The following MAGI1 variants were observed in gnomAD, a reference collection of about 807,000 sequenced individuals.
MAGI1 encodes the protein membrane associated guanylate kinase, WW and PDZ domain containing 1.
Under a neutral mutation model 139.9 loss-of-function variants are expected in MAGI1, and 58 were observed. The observed-to-expected ratio is 0.41, with a 90% confidence interval of 0.34 to 0.52. The LOEUF (loss-of-function observed/expected upper bound fraction) is 0.52. MAGI1 is among the 20% of genes least tolerant of loss of function. The pLI is 0.12. For synonymous variants in MAGI1, 812 were observed against 737.9 expected, an observed-to-expected ratio of 1.10 and a Z score of -1.63; for missense variants, 1,874 against 1,901.6, an observed-to-expected ratio of 0.99 and a Z score of 0.27.
chr3:65,364,685 T>C lies in MAGI1; in HGVS notation c.3331A>G (p.Lys1111Glu). ...CTCACCTGTGTTGCTTGGGGTGCTT[T>C]GAACTCAAATTGAGATTCCTGCTTT... ...KPKQESQFEF[K>E]APQATQEQDF... Residue 1111 changes from lysine to glutamate, a missense_variant, in exon 20 of 23, where the codon AAA (lysine) becomes GAA (glutamate). Around this residue, in one of 5 missense-constraint regions of MAGI1, gnomAD observed 653 missense variants for 644.5 expected, o/e 1.01. Coordinates refer to ENST00000402939, the MANE Select transcript of MAGI1 (RefSeq NM_001033057.2). 6.2e-7 allele frequency: 1 copy of C among 1,614,124 alleles called. No individual in the cohort carries two copies.
At chr3:65,988,526 C>T (rs1480093748) in intron 1 of MAGI1, among the ~76,000 whole-genome samples, 1 of 152,090 alleles carries the variant, frequency 6.6e-6, no homozygotes, top group Non-Finnish European at 1.5e-5. Context: ...GAGGGCAAAA[C>T]CAGAGTTAAC....
At chr3:65,692,529 T>C (rs2088772090) in intron 1 of MAGI1, among the ~76,000 whole-genome samples, 1 of 152,202 alleles carries the variant, frequency 6.6e-6, no homozygotes, top group Non-Finnish European at 1.5e-5. Context: ...CCCTGAGAGA[T>C]AGCCAGTGTC....
At chr3:65,692,730 G>A (rs953740339) in intron 1 of MAGI1, among the ~76,000 whole-genome samples, 7 of 152,144 alleles carry the variant, frequency 4.6e-5, no homozygotes, top group Admixed American at 2.0e-4. Context: ...ATGGGTTATC[G>A]AGGGAGTGGG....
At chr3:65,509,288 T>C (rs1246495336) in intron 2 of MAGI1, among the ~76,000 whole-genome samples, 1 of 152,084 alleles carries the variant, frequency 6.6e-6, no homozygotes, top group Non-Finnish European at 1.5e-5. Flanking sequence ...TTGGGTTTTG[T>C]TTTTGGGGAG....
chr3:66,029,257 T>C (rs1043665975), intron 1 of MAGI1, among the ~76,000 whole-genome samples: 2 of 152,164 alleles, frequency 1.3e-5, no homozygotes. Flanking sequence ...ACACTATATA[T>C]AGCAGTAATT....
At chr3:65,411,160 A>T (rs1424642679) in intron 12 of MAGI1, among the ~76,000 whole-genome samples, 1 of 152,190 alleles carries the variant, frequency 6.6e-6, no homozygotes, top group Non-Finnish European at 1.5e-5. Context: ...CTAGTTTCTC[A>T]TATGGTTCTA....
At chr3:66,026,705 T>C (rs78573155) in intron 1 of MAGI1, among the ~76,000 whole-genome samples, 7,514 of 151,922 alleles carry the variant, frequency 0.049, 219 homozygotes, top group South Asian at 0.067. Context: ...ATGGACAGTG[T>C]TGGTGAGACT....
rs2061647828 is a variant in MAGI1, at chr3:65,911,076, TCG to T, written c.313+126918_313+126919del. Among the ~76,000 whole-genome samples, 3 of 151,506 alleles carry T rather than the reference TCG, an allele frequency of 2.0e-5. No individual in the cohort carries two copies. In the South Asian group the frequency reaches 6.3e-4, roughly 32 times the overall value. Reference sequence around the variant, plus strand: ...TTTCACCATATTGGTCAGGCTGGTGTCGAACTCCTGACCTCAGGCGATCCGCC... The same window carrying T: ...TTTCACCATATTGGTCAGGCTGGTGTAACTCCTGACCTCAGGCGATCCGCC... On this transcript the variant is annotated intron_variant, in intron 1 of 22. Transcript: ENST00000402939.
chr3:65,651,918 G>A (rs1372052738), intron 1 of MAGI1, among the ~76,000 whole-genome samples: 1 of 152,008 alleles, frequency 6.6e-6, no homozygotes, highest in African/African-American at 2.4e-5. Context: ...ACATGCTCTA[G>A]GAATATTTAT....
At chr3:65,597,088 C>T (rs2082243347) in intron 2 of MAGI1, among the ~76,000 whole-genome samples, 2 of 152,076 alleles carry the variant, frequency 1.3e-5, no homozygotes, top group South Asian at 4.2e-4. Flanking sequence ...CCTTCCCCAG[C>T]CTGGGCGCCG....
At chr3:65,814,433 C>G (rs1200869980) in intron 1 of MAGI1, among the ~76,000 whole-genome samples, 1 of 152,180 alleles carries the variant, frequency 6.6e-6, no homozygotes, top group Non-Finnish European at 1.5e-5. Context: ...CTCATTCACA[C>G]AGCATTTGAA....
At chr3:65,888,369 A>AGC (rs1452092897) in intron 1 of MAGI1, among the ~76,000 whole-genome samples, 2 of 152,352 alleles carry the variant, frequency 1.3e-5, no homozygotes, top group African/African-American at 4.8e-5. Context: ...GGAAGTACTG[A>AGC]GCAGGGAATT....
At chr3:66,036,497 G>A (rs1337359653) in intron 1 of MAGI1, among the ~76,000 whole-genome samples, 1 of 152,184 alleles carries the variant, frequency 6.6e-6, no homozygotes, top group African/African-American at 2.4e-5. Flanking sequence ...CCCAAAGGAG[G>A]AAGAATTTGT....
intron 1 of MAGI1, among the ~76,000 whole-genome samples, chr3:65,898,969 T>C (rs890939763): frequency 6.6e-6 from 1 of 152,232 alleles, no homozygotes; most frequent in African/African-American, 2.4e-5. Context: ...CAGCCCAGGC[T>C]GAAGTGCAGT....
At chr3:65,679,621 G>A (rs1389990304) in intron 1 of MAGI1, among the ~76,000 whole-genome samples, 2 of 152,042 alleles carry the variant, frequency 1.3e-5, no homozygotes, top group East Asian at 1.9e-4. Context: ...AAAGGAGAAC[G>A]GCAGTCCAGG....
In MAGI1 at chr3:65,429,932, C is replaced by A; in HGVS notation, c.1755G>T (p.Gly585=). Residue 585 remains glycine, a synonymous_variant, in exon 12 of 23, where the codon GGG becomes GGT. Coordinates refer to ENST00000402939, the MANE Select transcript of MAGI1 (RefSeq NM_001033057.2). ...TAGCTGGTGAATCATAGGTCTCTTG[C>A]CCATTCACAATAATTGGTTCTTTAT... ...ILDKEPIIVN[G]QETYDSPASH... 1.2e-6 allele frequency: 2 copies of A among 1,613,972 alleles called. No homozygotes were observed. The highest frequency in any genetic ancestry group is 1.7e-6 in the Non-Finnish European group (2 of 1,179,946).
At chr3:65,390,728 C>A (rs946591802) in intron 14 of MAGI1, among the ~76,000 whole-genome samples, 2 of 152,016 alleles carry the variant, frequency 1.3e-5, no homozygotes, top group African/African-American at 4.8e-5. Context: ...ATCAAGAGAC[C>A]ACTTAAAAAG....
chr3:65,476,335 C>T (rs932476397), intron 4 of MAGI1, among the ~76,000 whole-genome samples: 5 of 152,118 alleles, frequency 3.3e-5, no homozygotes, highest in South Asian at 2.1e-4. Flanking sequence ...TGGTATCAGA[C>T]AAGAACGTGA....
Position 65,913,191 on chromosome 3 carries a change from G to A in MAGI1, c.313+124805C>T, listed in dbSNP as rs574523363. On this transcript the variant is annotated intron_variant, in intron 1 of 22. Transcript: ENST00000402939. ...CACAGGAGGCGGAGGTTGAACCCAG[G>A]AGGCAGAGGTTGCAGTGGGCAGAGA... 9.9e-5 allele frequency among the ~76,000 whole-genome samples: 15 copies of A among 152,250 alleles called. No homozygotes were observed. The East Asian group carries it at 2.9e-3, about 29-fold the overall frequency.
Sources: gnomAD v4.1 joint callset for allele counts (sites outside exome capture counted in the v4.1 genomes callset) on GRCh38, gnomAD v4.1.1 for gene constraint, gnomAD v4.1.1 regional missense constraint, MANE v1.5 for transcripts, NCBI Gene and HGNC (gene_info 2026-07-23, HGNC 2026-07-21) for gene names.